Variants in IGF2R observed in about 807,000 individuals in gnomAD.
The protein encoded by IGF2R is insulin like growth factor 2 receptor, also known as cation-independent mannose-6-phosphate receptor.
IGF2R carries 91 observed loss-of-function variants against 270.6 expected under a neutral mutation model. The observed-to-expected ratio is 0.34, with a 90% CI of 0.28 to 0.40. IGF2R has a LOEUF of 0.40. IGF2R is among the 10% of genes least tolerant of loss of function. The pLI is 1.00. For missense variants in IGF2R, 2,805 were observed against 3,188.3 expected (o/e 0.88, Z 2.90); for synonymous variants, 1,316 against 1,258.9 (o/e 1.05, Z -0.96).
chr6:160,034,656 AG>A, intron 10 of IGF2R, 134 bp downstream of exon 10: 1 of 556,552 alleles, frequency 1.8e-6, no homozygotes, highest in Non-Finnish European at 3.3e-6. Flanking sequence ...GGCCAGCTCT[AG>A]CCCCCAGACT....
In IGF2R at chr6:160,058,689, T is replaced by G. The variant is rs8191831; in HGVS notation, c.2899-217T>G. On this transcript the variant is annotated intron_variant, in intron 21 of 47. Transcript: ENST00000356956. ...AGATACGGGGATGTATGAATTTAAA[T>G]GATGTATAGATACTAAACCTTAAAG... 1.6e-3 allele frequency among the ~76,000 whole-genome samples: 244 copies of G among 152,322 alleles called. 1 individual carries two copies. The highest frequency in any genetic ancestry group is 2.5e-3 in the Non-Finnish European group (168 of 68,038).
chr6:160,106,339 T>C lies in IGF2R; in HGVS notation c.*1255T>C, dbSNP rs1779620664. On this transcript the variant is annotated 3_prime_UTR_variant, in exon 48 of 48. Transcript: ENST00000356956. ...CCTGCCATGTTTAGTGAATGACTTTTCTCGCATTGTAGAATTGTATATAGA... is the reference window on the plus strand; with the variant it reads ...CCTGCCATGTTTAGTGAATGACTTTCCTCGCATTGTAGAATTGTATATAGA... 6.6e-6 allele frequency: 1 copy of C among 152,616 alleles called. No individual in the cohort carries two copies. Among genetic ancestry groups the C allele is most frequent in the African/African-American group, 2.4e-5 (1 of 41,406 alleles). 9.5% of individuals were successfully genotyped at this position (152,616 alleles called of 1,614,324 possible).
At chr6:160,045,262 C>A (rs575387570) in intron 13 of IGF2R, among the ~76,000 whole-genome samples, 43 of 152,224 alleles carry the variant, frequency 2.8e-4, no homozygotes, top group African/African-American at 9.9e-4. Context: ...GCTAATTGTG[C>A]TATTATGTAT....
At chr6:160,017,387 A>G (rs1344213604) in intron 4 of IGF2R, among the ~76,000 whole-genome samples, 1 of 152,230 alleles carries the variant, frequency 6.6e-6, no homozygotes, top group Non-Finnish European at 1.5e-5. Context: ...CCAAACCTAT[A>G]AAGCATAGAT....
intron 2 of IGF2R, chr6:160,007,455 G>A (rs1388115889): frequency 6.6e-6 from 1 of 152,180 alleles, no homozygotes; most frequent in African/African-American, 2.4e-5. Flanking sequence ...GAAATTCCTT[G>A]ATCACCAGTA....
intron 2 of IGF2R, chr6:160,006,469 C>CGCGCGG (rs1784239857): frequency 6.8e-6 from 1 of 147,422 alleles, no homozygotes; most frequent in Non-Finnish European, 1.5e-5. Context: ...GAGCTGTCCA[C>CGCGCGG]GAGGCACTGA....
At chr6:160,034,835 A>G (rs1777777845) in intron 10 of IGF2R, among the ~76,000 whole-genome samples, 2 of 152,244 alleles carry the variant, frequency 1.3e-5, no homozygotes, top group South Asian at 4.1e-4. Context: ...ACTAAACTAC[A>G]GCAAGGACAG....
chr6:159,992,627 C>T (rs1783996926), intron 2 of IGF2R, among the ~76,000 whole-genome samples: 1 of 151,220 alleles, frequency 6.6e-6, no homozygotes, highest in East Asian at 2.0e-4. Context: ...CACACACACA[C>T]ACAAACACAC....
chr6:160,097,245 C>A (rs1386200507), intron 45 of IGF2R, among the ~76,000 whole-genome samples: 1 of 152,222 alleles, frequency 6.6e-6, no homozygotes, highest in Non-Finnish European at 1.5e-5. Context: ...TATACTTTGC[C>A]ACGAATAACA....
chr6:160,099,544 T>C (rs760131204), intron 45 of IGF2R, among the ~76,000 whole-genome samples: 5 of 152,144 alleles, frequency 3.3e-5, no homozygotes, highest in African/African-American at 4.8e-5. Context: ...TTTTTTTGTA[T>C]TTTTAGTAGA....
At chr6:160,070,775 C>T (rs1778701715) in intron 31 of IGF2R, among the ~76,000 whole-genome samples, 1 of 152,196 alleles carries the variant, frequency 6.6e-6, no homozygotes, top group Admixed American at 6.5e-5. Context: ...GGGTGGCTCG[C>T]CCCATGCTCT....
chr6:160,039,709 G>T (rs955463667), intron 10 of IGF2R, among the ~76,000 whole-genome samples: 1 of 152,204 alleles, frequency 6.6e-6, no homozygotes, highest in South Asian at 2.1e-4. Context: ...ACCATCAGGG[G>T]TGGGAAAAGG....
intron 29 of IGF2R, among the ~76,000 whole-genome samples, chr6:160,066,440 A>G (rs534837867): frequency 6.6e-6 from 1 of 152,314 alleles, no homozygotes; most frequent in Admixed American, 6.5e-5. Flanking sequence ...GGTGTGAGCC[A>G]CTGCGCCCGG....
chr6:159,979,897 T>G (rs897010250), intron 1 of IGF2R, among the ~76,000 whole-genome samples: 1 of 152,062 alleles, frequency 6.6e-6, no homozygotes, highest in Admixed American at 6.6e-5. Flanking sequence ...GATTGGTGGA[T>G]TGAAAGGCAC....
intron 1 of IGF2R, among the ~76,000 whole-genome samples, chr6:159,983,047 C>A (rs1372544651): frequency 6.6e-6 from 1 of 152,110 alleles, no homozygotes; most frequent in Non-Finnish European, 1.5e-5. Context: ...TATCTGTATC[C>A]CTATGACATT....
rs766246795 is a variant in IGF2R at position 160,104,902 on chromosome 6, T to G, written c.7294T>G (p.Ser2432Ala). ...GGGCAGGGGAGCTGGGGCAGAGAGC[T>G]CCCACCCAGTGAGAAACGCACAGAG... is the stretch of plus-strand genomic sequence containing the variant. ...HSGRGAGAES[S>A]HPVRNAQSNA... The change falls in exon 48 of 48, where the codon TCC becomes GCC. Residue 2432 changes from serine (S) to alanine (A), a missense_variant. Ser to Ala is a moderately conservative substitution (Grantham distance 99, BLOSUM62 1). Around this residue, in one of 2 missense-constraint regions of IGF2R, gnomAD observed 1,851 missense variants for 2,207.2 expected, o/e 0.84. Coordinates refer to ENST00000356956, the MANE Select transcript of IGF2R (RefSeq NM_000876.4). 9.3e-6 allele frequency: 15 copies of G among 1,613,808 alleles called. No individual in the cohort carries two copies. The African/African-American group carries it at 1.9e-4, about 20-fold the overall frequency.
chr6:160,036,174 C>T (rs1321854726), intron 10 of IGF2R, among the ~76,000 whole-genome samples: 1 of 152,162 alleles, frequency 6.6e-6, no homozygotes, highest in African/African-American at 2.4e-5. Context: ...GTATGACATA[C>T]ATCTGACTCG....
chr6:160,098,592 G>C (rs963400392), intron 45 of IGF2R, among the ~76,000 whole-genome samples: 4 of 152,156 alleles, frequency 2.6e-5, no homozygotes, highest in African/African-American at 9.7e-5. Flanking sequence ...GCTAAGGTGG[G>C]CGGATCACTT....
At chr6:160,028,914 A>C (rs2115228504) in intron 6 of IGF2R, among the ~76,000 whole-genome samples, 1 of 152,076 alleles carries the variant, frequency 6.6e-6, no homozygotes, top group African/African-American at 2.4e-5. Context: ...TTTTTAAAAA[A>C]AATAATTTTT....
Sources: allele counts gnomAD v4.1 joint callset (sites outside exome capture counted in the v4.1 genomes callset), GRCh38; gene constraint gnomAD v4.1.1; regional missense constraint gnomAD v4.1.1; transcripts MANE v1.5; gene names NCBI Gene and HGNC (gene_info 2026-07-23, HGNC 2026-07-21).